Variants in FGD4 observed in about 807,000 individuals in gnomAD.
FGD4 encodes the protein FYVE, RhoGEF and PH domain-containing protein 4.
FGD4 carries 42 observed loss-of-function variants against 102.0 expected under a neutral mutation model. The ratio of observed to expected loss-of-function variants is 0.41; its 90% confidence interval spans 0.32 to 0.53. The LOEUF is 0.53. FGD4 is among the 20% of genes least tolerant of loss of function. The pLI is 0.21. For missense variants in FGD4, 902 were observed against 1,078.2 expected, an observed-to-expected ratio of 0.84 and a Z score of 2.29; for synonymous variants, 380 against 375.7, an observed-to-expected ratio of 1.01 and a Z score of -0.13.
intron 1 of FGD4, chr12:32,534,203 T>C: frequency 1.2e-6 from 1 of 813,358 alleles, no homozygotes; most frequent in Non-Finnish European, 1.6e-6. Context: ...TAGAAGTCTC[T>C]CTGTGCTCAT....
chr12:32,479,970 T>G (rs1943684045), intron 1 of FGD4, among the ~76,000 whole-genome samples: 1 of 151,334 alleles, frequency 6.6e-6, no homozygotes, highest in Non-Finnish European at 1.5e-5. Context: ...TTGTATTTTC[T>G]TATAGAGACA....
chr12:32,560,818 C>T (rs1944482530), intron 1 of FGD4, among the ~76,000 whole-genome samples: 1 of 151,752 alleles, frequency 6.6e-6, no homozygotes, highest in Non-Finnish European at 1.5e-5. Flanking sequence ...TCAACCTCCC[C>T]AGTAGCTGGG....
At chr12:32,483,037 G>A (rs577656181) in intron 1 of FGD4, among the ~76,000 whole-genome samples, 73 of 152,290 alleles carry the variant, frequency 4.8e-4, no homozygotes, top group African/African-American at 1.6e-3. Context: ...TCAAGATACG[G>A]AATATAATGA....
At chr12:32,543,586 G>A (rs950264034) in intron 1 of FGD4, among the ~76,000 whole-genome samples, 2 of 152,174 alleles carry the variant, frequency 1.3e-5, no homozygotes, top group Non-Finnish European at 2.9e-5. Context: ...CTCTCCGTTA[G>A]GAACAAAAGA....
At chr12:32,613,018 A>G (rs1225617325) in intron 10 of FGD4, among the ~76,000 whole-genome samples, 1 of 152,214 alleles carries the variant, frequency 6.6e-6, no homozygotes, top group Non-Finnish European at 1.5e-5. Context: ...GAATCATAAT[A>G]ATATGCATTG....
chr12:32,581,815 G>A lies in FGD4; in HGVS notation c.504-145G>A, dbSNP rs75184912. ...CCCAAGAGACTTGGGTCTACACTAA[G>A]AATATTCAAATCCATGTTTCTGAAA... On this transcript the variant is annotated intron_variant, in intron 3 of 16. Coordinates refer to ENST00000534526, the MANE Select transcript of FGD4 (RefSeq NM_001370298.3). 5,390 of 853,682 alleles carry A rather than the reference G, an allele frequency of 6.3e-3. 203 individuals carry two copies. In the African/African-American group the frequency reaches 0.083, roughly 13 times the overall value. 52.9% of individuals were successfully genotyped at this position (853,682 alleles called of 1,614,324 possible).
chr12:32,528,307 A>G (rs1941463333), intron 1 of FGD4, among the ~76,000 whole-genome samples: 1 of 152,220 alleles, frequency 6.6e-6, no homozygotes, highest in Non-Finnish European at 1.5e-5. Flanking sequence ...TTCCAGGACC[A>G]TCACCCTCAT....
At chr12:32,404,711 T>G (rs1259799035) in intron 1 of FGD4, among the ~76,000 whole-genome samples, 2 of 152,086 alleles carry the variant, frequency 1.3e-5, no homozygotes, top group Non-Finnish European at 2.9e-5. Flanking sequence ...TTTGTAACAT[T>G]AAAAAATCTA....
At chr12:32,519,680 G>A (rs1373795811) in intron 1 of FGD4, among the ~76,000 whole-genome samples, 1 of 152,048 alleles carries the variant, frequency 6.6e-6, no homozygotes, top group Non-Finnish European at 1.5e-5. Flanking sequence ...GCTCACTCTT[G>A]TAATCCGAGC....
chr12:32,546,512 G>T (rs1349656313), intron 1 of FGD4, among the ~76,000 whole-genome samples: 1 of 152,246 alleles, frequency 6.6e-6, no homozygotes, highest in Non-Finnish European at 1.5e-5. Flanking sequence ...TACCTATAAT[G>T]TGCAGGTATC....
chr12:32,528,253 A>T (rs1941456007), intron 1 of FGD4, among the ~76,000 whole-genome samples: 1 of 152,190 alleles, frequency 6.6e-6, no homozygotes, highest in Non-Finnish European at 1.5e-5. Flanking sequence ...GTTTCTTCTT[A>T]ACAGTACCGA....
intron 16 of FGD4, among the ~76,000 whole-genome samples, chr12:32,639,439 C>T (rs968577613): frequency 2.0e-5 from 3 of 152,232 alleles, no homozygotes; most frequent in Admixed American, 6.5e-5. Context: ...GCTGGTAATA[C>T]AGGCGTGAGC....
chr12:32,418,409 G>A (rs996516827), intron 1 of FGD4, among the ~76,000 whole-genome samples: 4 of 152,028 alleles, frequency 2.6e-5, no homozygotes, highest in African/African-American at 4.8e-5. Flanking sequence ...GGCTTTTCAG[G>A]TATTTGAGGG....
chr12:32,465,815 G>C (rs938843331), intron 1 of FGD4, among the ~76,000 whole-genome samples: 11 of 152,102 alleles, frequency 7.2e-5, no homozygotes, highest in Admixed American at 3.3e-4. Flanking sequence ...ATCTTGCTCT[G>C]TAACCCAAAC....
At chr12:32,530,048 A>G (rs541017704) in intron 1 of FGD4, among the ~76,000 whole-genome samples, 1 of 152,264 alleles carries the variant, frequency 6.6e-6, no homozygotes, top group South Asian at 2.1e-4. Context: ...CATTGTAGAT[A>G]TATAGGTTTT....
intron 14 of FGD4, among the ~76,000 whole-genome samples, chr12:32,632,464 CGTTAA>C (rs1048938326): frequency 2.1e-4 from 32 of 151,988 alleles, no homozygotes; most frequent in African/African-American, 7.7e-4. Flanking sequence ...GAAGGGTGAG[CGTTAA>C]GTTAACTCAG....
At chr12:32,601,628 C>T (rs1306454678) in intron 6 of FGD4, among the ~76,000 whole-genome samples, 2 of 152,210 alleles carry the variant, frequency 1.3e-5, no homozygotes, top group East Asian at 1.9e-4. Context: ...GACAAGATAT[C>T]GGGTAATGTG....
Position 32,428,434 on chromosome 12 carries a change from C to T in FGD4, c.166+28475C>T, listed in dbSNP as rs138182030. Reference sequence around the variant, plus strand: ...TGTAGGGTTTCTGCAGAGAGATCTGCTATTAGTCTGATGGGCTTTCCTTTG... The same window carrying T: ...TGTAGGGTTTCTGCAGAGAGATCTGTTATTAGTCTGATGGGCTTTCCTTTG... On this transcript the variant is annotated intron_variant, in intron 1 of 16. Coordinates refer to ENST00000534526, the MANE Select transcript of FGD4 (RefSeq NM_001370298.3). 1.8e-4 allele frequency among the ~76,000 whole-genome samples: 27 copies of T among 152,322 alleles called. No individual in the cohort carries two copies. The East Asian group carries it at 4.8e-3, about 27-fold the overall frequency.
rs145294287 is a variant in FGD4 at position 32,480,647 on chromosome 12, C to T, written c.166+80688C>T. 2.3e-3 allele frequency among the ~76,000 whole-genome samples: 353 copies of T among 151,292 alleles called. 5 individuals are homozygous for T. Among genetic ancestry groups the T allele is most frequent in the African/African-American group, 6.0e-3 (249 of 41,198 alleles). On this transcript the variant is annotated intron_variant, in intron 1 of 16. Coordinates refer to ENST00000534526, the MANE Select transcript of FGD4 (RefSeq NM_001370298.3). Reference sequence around the variant, plus strand: ...TTCCGAGTAGCTGGGATTACAGGCACGCACCACCATGGCCAGCTAATTTTT... The same window carrying T: ...TTCCGAGTAGCTGGGATTACAGGCATGCACCACCATGGCCAGCTAATTTTT...
Sources: allele counts gnomAD v4.1 joint callset (sites outside exome capture counted in the v4.1 genomes callset), GRCh38; gene constraint gnomAD v4.1.1; transcripts MANE v1.5; gene names NCBI Gene and HGNC (gene_info 2026-07-23, HGNC 2026-07-21).